The following FAM234A variants were observed in gnomAD, a reference collection of about 807,000 sequenced individuals.
FAM234A encodes protein FAM234A.
A neutral mutation model predicts 49.1 loss-of-function variants in FAM234A; 42 were observed. The observed-to-expected ratio is 0.86, with a 90% CI of 0.67 to 1.11. FAM234A has a LOEUF of 1.11. Ranked by LOEUF, FAM234A falls within the 50% of genes least tolerant of loss-of-function variation. The pLI is 0.00. For missense variants in FAM234A, 815 were observed against 745.2 expected (o/e 1.09, Z -1.09); for synonymous variants, 369 against 316.2 (o/e 1.17, Z -1.77).
At chr16:245,280 G>T (rs2050766162) in intron 1 of FAM234A, among the ~76,000 whole-genome samples, 1 of 152,164 alleles carries the variant, frequency 6.6e-6, no homozygotes, top group African/African-American at 2.4e-5. Context: ...CCAGCAGGAG[G>T]AGGTTGCAGT....
intron 1 of FAM234A, among the ~76,000 whole-genome samples, chr16:244,678 ACCT>A (rs2050740915): frequency 7.1e-6 from 1 of 141,284 alleles, no homozygotes; most frequent in African/African-American, 2.6e-5. Flanking sequence ...CTGAATGGTA[ACCT>A]CTTTTTTTTT....
chr16:244,187 C>G (rs867859568), intron 1 of FAM234A, among the ~76,000 whole-genome samples: 20 of 152,152 alleles, frequency 1.3e-4, no homozygotes, highest in African/African-American at 3.9e-4. Flanking sequence ...CTAGGATGGT[C>G]TCGATCTCCT....
At chr16:240,963 G>C (rs1436651592) in intron 1 of FAM234A, among the ~76,000 whole-genome samples, 1 of 151,556 alleles carries the variant, frequency 6.6e-6, no homozygotes, top group Admixed American at 6.6e-5. Flanking sequence ...TTTTGAGACA[G>C]GGTCTTGCCC....
chr16:269,138 C>A (rs934230243), downstream of FAM234A: 2 of 906,170 alleles, frequency 2.2e-6, no homozygotes, highest in African/African-American at 1.7e-5. Flanking sequence ...GAAGACTGGG[C>A]CCCCTGGGCA....
intron 2 of FAM234A, among the ~76,000 whole-genome samples, chr16:253,324 T>C (rs530496915): frequency 7.6e-4 from 116 of 152,298 alleles, no homozygotes; most frequent in Middle Eastern, 3.4e-3. Flanking sequence ...AGCTGTCCCC[T>C]GTCCTCCCCT....
At chr16:267,170 T>C (rs2051714968), downstream of FAM234A, among the ~76,000 whole-genome samples, 2 of 152,228 alleles carry the variant, frequency 1.3e-5, no homozygotes, top group South Asian at 2.1e-4. Flanking sequence ...TCTGCAGCTC[T>C]GTGGCCTTAG....
chr16:267,575 TAC>T (rs1224303051), downstream of FAM234A, among the ~76,000 whole-genome samples: 4 of 147,002 alleles, frequency 2.7e-5, no homozygotes, highest in Non-Finnish European at 3.0e-5. Context: ...ACACGTGCAC[TAC>T]ACACAATCAC....
At chr16:250,642 G>A (rs9940149) in intron 2 of FAM234A, among the ~76,000 whole-genome samples, 47,765 of 151,814 alleles carry the variant, frequency 0.31, 10,422 homozygotes, top group African/African-American at 0.61. Flanking sequence ...CATTTGGTAT[G>A]ATCACAGCAT....
At chr16:239,193 G>A (rs1189435515) in intron 1 of FAM234A, among the ~76,000 whole-genome samples, 1 of 132,276 alleles carries the variant, frequency 7.6e-6, no homozygotes, top group African/African-American at 2.9e-5. Context: ...CCAGCTACTC[G>A]GGAGGATGAG....
downstream of FAM234A, chr16:266,105 G>A (rs970671737): frequency 1.0e-6 from 1 of 985,132 alleles, no homozygotes; most frequent in East Asian, 1.1e-4. Flanking sequence ...AACCCCGGTG[G>A]TCAGGCGTGA....
chr16:263,155 T>TG (rs2051543725), intron 8 of FAM234A, 107 bp from the exon 9 acceptor site: 1 of 1,332,308 alleles, frequency 7.5e-7, no homozygotes, highest in Non-Finnish European at 1.0e-6. Context: ...AAACGGGTTA[T>TG]GGGGGCCTAA....
At position 264,992 on chromosome 16, in the gene FAM234A, C is replaced by A; in HGVS notation, c.1629C>A (p.Phe543Leu). Residue 543 changes from phenylalanine to leucine, a missense_variant, in exon 13 of 13, where the codon TTC (phenylalanine) becomes TTA (leucine). Transcript: ENST00000399932. ...PDSDQAIRDR[F>L]SRLRYQSEA ...GTGACCAAGCCATCAGGGACCGGTT[C>A]TCCCGGCTGCGGTACCAGAGTGAGG... is the stretch of plus-strand genomic sequence containing the variant. 1 of 1,610,708 alleles carries A rather than the reference C, an allele frequency of 6.2e-7. No individual in the cohort carries two copies. The highest frequency in any genetic ancestry group is 8.5e-7 in the Non-Finnish European group (1 of 1,178,468).
Position 263,890 on chromosome 16 carries a change from G to T in FAM234A, c.1188+115G>T. On this transcript the variant is annotated intron_variant, in intron 10 of 12. Transcript: ENST00000399932. ...TGCTGCCGTCAGAGCTGCTGAGAAG[G>T]TTCTGCCTCCCTCAGAGCATCTGCC... The T allele has an allele frequency of 4.3e-6, 6 of 1,400,582 alleles. No individual in the cohort carries two copies. The South Asian group carries it at 7.0e-5, about 16-fold the overall frequency. 86.8% of individuals were successfully genotyped at this position (1,400,582 alleles called of 1,614,324 possible).
At chr16:263,654 C>T in intron 9 of FAM234A, 46 bp from the exon 10 acceptor site, 1 of 1,468,140 alleles carries the variant, frequency 6.8e-7, no homozygotes. Context: ...TCATCTCAGT[C>T]TCCTCACTGA....
At position 254,401 on chromosome 16, in the gene FAM234A, G is replaced by C. The variant is rs1348228364; in HGVS notation, c.-13G>C. 2 of 1,612,930 alleles carry C rather than the reference G, an allele frequency of 1.2e-6. No individual in the cohort carries two copies. The highest frequency in any genetic ancestry group is 1.7e-6 in the Non-Finnish European group (2 of 1,179,378). On this transcript the variant is annotated 5_prime_UTR_variant, in exon 3 of 13. Coordinates refer to ENST00000399932, the MANE Select transcript of FAM234A (RefSeq NM_032039.4). ...CACAGTGACCAGGAGTTAAACTTTG[G>C]GATGTGCCCGTGATGTTGGACCACA... is the stretch of plus-strand genomic sequence containing the variant.
At chr16:256,611 C>A (rs2051243395) in intron 3 of FAM234A, among the ~76,000 whole-genome samples, 1 of 151,884 alleles carries the variant, frequency 6.6e-6, no homozygotes, top group South Asian at 2.1e-4. Flanking sequence ...GCTCTTCTAC[C>A]CCAGGCTGGA....
Position 237,955 on chromosome 16 carries a change from C to T in FAM234A, c.-140+3098C>T, listed in dbSNP as rs145837639. ...CTGGCCTCAGGTGATCCTCCCGCCT[C>T]GGCCTCCCAAAGTGCTAGGGTTACA... On this transcript the variant is annotated intron_variant, in intron 1 of 12. Transcript: ENST00000399932. Among the ~76,000 whole-genome samples, 232 of 152,082 alleles carry T rather than the reference C, an allele frequency of 1.5e-3. 1 individual carries two copies. The highest frequency in any genetic ancestry group is 7.6e-4 in the Non-Finnish European group (52 of 67,984).
intron 1 of FAM234A, among the ~76,000 whole-genome samples, chr16:242,721 T>A (rs2050664016): frequency 6.6e-6 from 1 of 151,396 alleles, no homozygotes; most frequent in African/African-American, 2.4e-5. Context: ...CAAGCGATTC[T>A]CCTGCCTCAG....
intron 2 of FAM234A, among the ~76,000 whole-genome samples, chr16:251,104 C>T (rs762286302): frequency 7.2e-5 from 11 of 152,142 alleles, no homozygotes; most frequent in Non-Finnish European, 8.8e-5. Flanking sequence ...TTACAAGCGC[C>T]TGCCACCATG....
Sources: gnomAD v4.1 joint callset for allele counts (sites outside exome capture counted in the v4.1 genomes callset) on GRCh38, gnomAD v4.1.1 for gene constraint, MANE v1.5 for transcripts, NCBI Gene and HGNC (gene_info 2026-07-23, HGNC 2026-07-21) for gene names.